FGGY: variants seen among roughly 807,000 people sequenced by gnomAD.
FGGY encodes the protein FGGY carbohydrate kinase domain containing.
Under a neutral mutation model 71.3 loss-of-function variants are expected in FGGY, and 72 were observed. The observed-to-expected ratio is 1.01, with a 90% CI of 0.84 to 1.23. The LOEUF is 1.23. FGGY is among the 50% of genes most tolerant of loss of function. FGGY has a pLI of 0.00. For missense variants in FGGY, 668 were observed against 682.3 expected (o/e 0.98, Z 0.23); for synonymous variants, 251 against 250.3 (o/e 1.00, Z -0.02).
chr1:59,412,597 T>G (rs994628977), intron 5 of FGGY, among the ~76,000 whole-genome samples: 1 of 152,214 alleles, frequency 6.6e-6, no homozygotes, highest in African/African-American at 2.4e-5. Context: ...TCCTTCTCTA[T>G]AATCTCTTAA....
At chr1:59,548,529 T>C (rs2095560370) in intron 7 of FGGY, among the ~76,000 whole-genome samples, 1 of 152,098 alleles carries the variant, frequency 6.6e-6, no homozygotes, top group Non-Finnish European at 1.5e-5. Flanking sequence ...GAAAGAGGGA[T>C]TCAAGTCTAA....
chr1:59,641,496 G>T, intron 11 of FGGY: 1 of 640,356 alleles, frequency 1.6e-6, no homozygotes, highest in Non-Finnish European at 2.7e-6. Flanking sequence ...AGTAGGGGAG[G>T]TAATTATTGT....
chr1:59,342,885 A>G (rs961207869), intron 3 of FGGY, among the ~76,000 whole-genome samples: 2 of 152,212 alleles, frequency 1.3e-5, no homozygotes, highest in African/African-American at 4.8e-5. Context: ...AAAATTCAGC[A>G]TTAGTCTATG....
chr1:59,700,960 G>A (rs773508477), intron 14 of FGGY, among the ~76,000 whole-genome samples: 16 of 152,124 alleles, frequency 1.1e-4, no homozygotes, highest in Non-Finnish European at 1.9e-4. Context: ...AAAAAAGCAG[G>A]GAGGCTGGAA....
chr1:59,427,479 A>G (rs2066595439), intron 5 of FGGY, among the ~76,000 whole-genome samples: 1 of 152,172 alleles, frequency 6.6e-6, no homozygotes, highest in South Asian at 2.1e-4. Context: ...GAAATGACTC[A>G]CATTGCTGTA....
rs555528669 is a variant in FGGY, at chr1:59,493,388, C to A, written c.671-18923C>A. Among the ~76,000 whole-genome samples, 3 of 148,112 alleles carry A rather than the reference C, an allele frequency of 2.0e-5. No homozygotes were observed. In the Admixed American group the frequency reaches 2.1e-4, roughly 10 times the overall value. ...CAATAGCTAAAATGTGGAAGCAAAC[C>A]AAGTGTTCATTAGTGGCAGAACTGA... On this transcript the variant is annotated intron_variant, in intron 6 of 15. Transcript: ENST00000303721.
chr1:59,325,449 T>C (rs1289108562), intron 2 of FGGY, among the ~76,000 whole-genome samples: 2 of 152,192 alleles, frequency 1.3e-5, no homozygotes, highest in Non-Finnish European at 2.9e-5. Flanking sequence ...TGACAGTCTA[T>C]GCCCTTTTTT....
intron 1 of FGGY, among the ~76,000 whole-genome samples, chr1:59,311,335 C>T (rs969981836): frequency 6.6e-6 from 1 of 151,296 alleles, no homozygotes; most frequent in Non-Finnish European, 1.5e-5. Flanking sequence ...CATAGGTATA[C>T]GTGTGCCATG....
chr1:59,465,508 G>A (rs1025788249), intron 6 of FGGY, among the ~76,000 whole-genome samples: 5 of 152,178 alleles, frequency 3.3e-5, no homozygotes, highest in Admixed American at 3.3e-4. Flanking sequence ...TCTGGCCAGG[G>A]CAGTCAGGCA....
chr1:59,492,072 A>T (rs1394054337), intron 6 of FGGY, among the ~76,000 whole-genome samples: 3 of 152,166 alleles, frequency 2.0e-5, no homozygotes, highest in Admixed American at 6.6e-5. Flanking sequence ...AGAGCCAGTT[A>T]TCAGATTACC....
At chr1:59,314,022 G>A (rs888485071) in intron 1 of FGGY, among the ~76,000 whole-genome samples, 3 of 151,540 alleles carry the variant, frequency 2.0e-5, no homozygotes, top group Non-Finnish European at 2.9e-5. Context: ...GCTAGAGTGC[G>A]GTAGCGCAAT....
chr1:59,606,149 T>C (rs2153815116), intron 8 of FGGY, among the ~76,000 whole-genome samples: 1 of 152,060 alleles, frequency 6.6e-6, no homozygotes, highest in East Asian at 1.9e-4. Flanking sequence ...ATAATAATAA[T>C]AATAAAATAA....
At chr1:59,485,470 A>T (rs1569867732) in intron 6 of FGGY, among the ~76,000 whole-genome samples, 3 of 152,310 alleles carry the variant, frequency 2.0e-5, no homozygotes, top group Admixed American at 2.0e-4. Flanking sequence ...AGGGGGACAG[A>T]CGCCATACTC....
chr1:59,441,273 G>A (rs2069802781), intron 5 of FGGY, among the ~76,000 whole-genome samples: 1 of 152,184 alleles, frequency 6.6e-6, no homozygotes, highest in Non-Finnish European at 1.5e-5. Flanking sequence ...AATGGCTAGA[G>A]CATTCTAAGT....
chr1:59,576,677 G>C (rs676088), intron 8 of FGGY, among the ~76,000 whole-genome samples: 17,996 of 129,754 alleles, frequency 0.14, 1,202 homozygotes, highest in Non-Finnish European at 0.16. Flanking sequence ...CAGACAGACA[G>C]ACACACACAC....
At chr1:59,466,155 A>T (rs1157582702) in intron 6 of FGGY, among the ~76,000 whole-genome samples, 1 of 152,224 alleles carries the variant, frequency 6.6e-6, no homozygotes, top group Non-Finnish European at 1.5e-5. Flanking sequence ...ACCAAAACAG[A>T]GATATAGACC....
intron 3 of FGGY, among the ~76,000 whole-genome samples, chr1:59,341,702 A>G (rs1391753820): frequency 6.6e-6 from 1 of 152,230 alleles, no homozygotes; most frequent in Non-Finnish European, 1.5e-5. Flanking sequence ...TTCAGAAAGC[A>G]GAGACCAAAC....
intron 5 of FGGY, among the ~76,000 whole-genome samples, chr1:59,418,334 T>G (rs960536369): frequency 5.9e-5 from 9 of 152,176 alleles, no homozygotes; most frequent in Non-Finnish European, 1.2e-4. Context: ...TGAGACAGAT[T>G]TCAATCGATT....
intron 6 of FGGY, among the ~76,000 whole-genome samples, chr1:59,476,518 A>C (rs1157389887): frequency 6.6e-6 from 1 of 152,210 alleles, no homozygotes; most frequent in Non-Finnish European, 1.5e-5. Context: ...TGCAGTTCTC[A>C]GACTAAGTTC....
Sources: allele counts gnomAD v4.1 joint callset (sites outside exome capture counted in the v4.1 genomes callset), GRCh38; gene constraint gnomAD v4.1.1; transcripts MANE v1.5; gene names NCBI Gene and HGNC (gene_info 2026-07-23, HGNC 2026-07-21).